ZBTB21: variants seen among roughly 807,000 people sequenced by gnomAD.
ZBTB21 encodes the protein zinc finger and BTB domain-containing protein 21.
In ZBTB21, 10 loss-of-function variants were observed where a neutral mutation model predicts 39.8. The ratio of observed to expected loss-of-function variants is 0.25; its 90% CI spans 0.16 to 0.43. The LOEUF (loss-of-function observed/expected upper bound fraction) is 0.43, where lower values mean the gene tolerates loss of function less well. Among genes scored for constraint, ZBTB21 ranks in the 20% least tolerant of loss-of-function variants. The probability of loss-of-function intolerance (pLI) is 1.00; values close to 1 mark genes in which losing one functional copy is unlikely to be tolerated. For synonymous variants in ZBTB21, 551 were observed against 498.8 expected, an observed-to-expected ratio of 1.10 and a Z score of -1.40; for missense variants, 1,221 against 1,296.3, an observed-to-expected ratio of 0.94 and a Z score of 0.89.
chr21:42,008,823 C>G lies in ZBTB21; in HGVS notation c.-79+1429G>C, dbSNP rs141638360. On this transcript the variant is annotated intron_variant, in intron 1 of 2. Coordinates refer to ENST00000310826, the MANE Select transcript of ZBTB21 (RefSeq NM_001098402.2). ...AAAGTTACTTTTAAGTAAACCAGCA[C>G]TTCAAATTTTGACTTTCTTTTTAAC... 2.5e-3 allele frequency among the ~76,000 whole-genome samples: 382 copies of G among 152,308 alleles called. 4 individuals carry two copies. Among genetic ancestry groups the G allele is most frequent in the African/African-American group, 8.8e-3 (366 of 41,572 alleles).
At chr21:42,009,420 G>C (rs1050599715) in intron 1 of ZBTB21, 2 of 152,318 alleles carry the variant, frequency 1.3e-5, no homozygotes, top group African/African-American at 4.8e-5. Flanking sequence ...GCGTCTCTAA[G>C]GCCGGCACGG....
chr21:42,009,824 G>GCCCCCAA (rs1377579853), intron 1 of ZBTB21, among the ~76,000 whole-genome samples: 1 of 152,092 alleles, frequency 6.6e-6, no homozygotes, highest in Non-Finnish European at 1.5e-5. Flanking sequence ...CGGGCCGCCG[G>GCCCCCAA]CCCCCAACCC....
chr21:41,991,683 G>A lies in ZBTB21; in HGVS notation c.2413C>T (p.Pro805Ser), dbSNP rs756639382. 4 of 1,614,046 alleles carry A rather than the reference G, an allele frequency of 2.5e-6. No individual in the cohort carries two copies. The Admixed American group carries it at 5.0e-5, about 20-fold the overall frequency. ...VEVHNQNNMA[P>S]TENFSLPVLD... ...ACGGGCAAAGAAAAGTTTTCGGTGG[G>A]TGCCATGTTGTTCTGATTATGGACT... The change falls in exon 3 of 3, where the codon CCC becomes TCC. Residue 805 changes from proline to serine, a missense_variant. Physicochemically the swap from Pro to Ser is moderately conservative, Grantham distance 74. Coordinates refer to ENST00000310826, the MANE Select transcript of ZBTB21 (RefSeq NM_001098402.2). This position sits in a 1 kb window ranked among gnomAD's most constrained non-coding sequence, Gnocchi z 4.9.
chr21:42,000,251 TCCTACACGTGAGCAGCAA>T (rs2065801799), intron 2 of ZBTB21, among the ~76,000 whole-genome samples: 1 of 152,160 alleles, frequency 6.6e-6, no homozygotes, highest in South Asian at 2.1e-4. Context: ...AGTTTTGATA[TCCTACACGTGAGCAGCAA>T]CCTGTTCATC....
At chr21:41,998,405 G>A (rs1480699106) in intron 2 of ZBTB21, among the ~76,000 whole-genome samples, 1 of 151,982 alleles carries the variant, frequency 6.6e-6, no homozygotes, top group Non-Finnish European at 1.5e-5. Context: ...TAGCCAGACT[G>A]GTCCCGAACT....
At position 41,993,526 on chromosome 21, in the gene ZBTB21, A is replaced by C; in HGVS notation, c.570T>G (p.His190Gln). Residue 190 changes from histidine to glutamine, a missense_variant, in exon 3 of 3, where the codon CAT becomes CAG. His to Gln is a conservative substitution (Grantham distance 24). Transcript: ENST00000310826. ...IAVKANTNKP[H>Q]VPKPIEPLHN... The stretch of plus-strand genomic sequence containing the variant: ...GAAGTGGTTCTATTGGTTTTGGGAC[A>C]TGTGGCTTATTGGTATTGGCCTTGA... 6.2e-7 allele frequency: 1 copy of C among 1,614,232 alleles called. No individual in the cohort carries two copies. The highest frequency in any genetic ancestry group is 1.3e-5 in the African/African-American group (1 of 75,062).
intron 2 of ZBTB21, chr21:42,002,262 C>A (rs1208435362): frequency 6.6e-6 from 1 of 151,942 alleles, no homozygotes; most frequent in Non-Finnish European, 1.5e-5. Flanking sequence ...AACAATGTAC[C>A]CTTTCCTAGT....
At chr21:42,008,763 C>T (rs1211377361) in intron 1 of ZBTB21, among the ~76,000 whole-genome samples, 1 of 152,032 alleles carries the variant, frequency 6.6e-6, no homozygotes, top group Non-Finnish European at 1.5e-5. Flanking sequence ...GCACATTATA[C>T]TTTCAATAAA....
intron 1 of ZBTB21, among the ~76,000 whole-genome samples, chr21:42,006,909 G>A (rs918357769): frequency 6.6e-6 from 1 of 152,218 alleles, no homozygotes; most frequent in South Asian, 2.1e-4. Context: ...CCAAAGAGAA[G>A]CCTCAGAAGA....
Position 41,989,241 on chromosome 21 carries a change from G to A in ZBTB21, c.*1654C>T, listed in dbSNP as rs1242134844. The A allele has an allele frequency of 6.6e-6, 1 of 151,842 alleles. No individual in the cohort carries two copies. The highest frequency in any genetic ancestry group is 1.5e-5 in the Non-Finnish European group (1 of 67,942). 9.4% of individuals were successfully genotyped at this position (151,842 alleles called of 1,614,324 possible). A position where few individuals can be genotyped will look rare whatever the true frequency, so the allele number is the denominator to read the frequency against. On this transcript the variant is annotated 3_prime_UTR_variant, in exon 3 of 3. Coordinates refer to ENST00000310826, the MANE Select transcript of ZBTB21 (RefSeq NM_001098402.2). ...AAATTTCATATATAATATCCATAAT[G>A]TACAAAGTCAATCAGTATTTTATAA...
chr21:41,992,312 T>C lies in ZBTB21; in HGVS notation c.1784A>G (p.Gln595Arg), dbSNP rs1456224652. ...HTNFKVWTHC[Q>R]TQHGIVKNPS... ...GTTCTTCACTATGCCGTGTTGGGTC[T>C]GACAGTGTGTCCACACTTTGAAGTT... The change falls in exon 3 of 3, where the codon CAG (glutamine) becomes CGG (arginine). Residue 595 changes from glutamine (Q) to arginine (R), a missense_variant. Gln to Arg is a conservative substitution (Grantham distance 43). This residue lies in a region of ZBTB21 where 90 missense variants were observed against 133.1 expected (regional missense o/e 0.68). Coordinates refer to ENST00000310826, the MANE Select transcript of ZBTB21 (RefSeq NM_001098402.2). This position sits in a 1 kb window ranked among gnomAD's most constrained non-coding sequence, Gnocchi z 4.1. 5.0e-6 allele frequency: 8 copies of C among 1,614,256 alleles called. No individual in the cohort carries two copies. The highest frequency in any genetic ancestry group is 6.8e-6 in the Non-Finnish European group (8 of 1,180,050).
chr21:42,007,952 G>A (rs2065900461), intron 1 of ZBTB21: 1 of 152,082 alleles, frequency 6.6e-6, no homozygotes, highest in African/African-American at 2.4e-5. Flanking sequence ...GACTCTTGAG[G>A]CTCCAGCCTC....
rs768706405 is a variant in ZBTB21, at chr21:41,994,100, T to G, written c.-5A>C. ...GTAATGCAGTAATCCCTCCATGGCT[T>G]GAGTTTATCTAAAAGACAAAATGTA... On this transcript the variant is annotated 5_prime_UTR_variant, in exon 3 of 3. Coordinates refer to ENST00000310826, the MANE Select transcript of ZBTB21 (RefSeq NM_001098402.2). The G allele has an allele frequency of 6.4e-7, 1 of 1,557,866 alleles. No individual in the cohort carries two copies. The highest frequency in any genetic ancestry group is 8.7e-7 in the Non-Finnish European group (1 of 1,154,726).
At chr21:41,994,965 T>C (rs938009669) in intron 2 of ZBTB21, among the ~76,000 whole-genome samples, 2 of 152,182 alleles carry the variant, frequency 1.3e-5, no homozygotes, top group African/African-American at 2.4e-5. Context: ...CCTGCTGCCA[T>C]GTGAGATGTG....
Position 41,992,053 on chromosome 21 carries a change from A to G in ZBTB21, c.2043T>C (p.Phe681=). 1 of 1,614,212 alleles carries G rather than the reference A, an allele frequency of 6.2e-7. No individual in the cohort carries two copies. The highest frequency in any genetic ancestry group is 8.5e-7 in the Non-Finnish European group (1 of 1,180,042). ...TTATATGCTGCTTAAATTGAGAGAG[A>G]AAGCGGTACGCTTTTCCGCAGTAAG... is the stretch of plus-strand genomic sequence containing the variant. The part of the protein sequence containing the change: ...ICTYCGKAYR[F]LSQFKQHIKM... Residue 681 remains phenylalanine, a synonymous_variant, in exon 3 of 3, where the codon TTT becomes TTC. Coordinates refer to ENST00000310826, the MANE Select transcript of ZBTB21 (RefSeq NM_001098402.2). The surrounding 1 kb of genome is among the most constrained non-coding windows in gnomAD (Gnocchi z 4.1).
At position 41,993,416 on chromosome 21, in the gene ZBTB21, T is replaced by G. The variant is rs754174232; in HGVS notation, c.680A>C (p.Asp227Ala). The change falls in exon 3 of 3, where the codon GAT (aspartate) becomes GCT (alanine). Residue 227 changes from aspartate to alanine, a missense_variant. By Grantham distance (126) the Asp-to-Ala change is moderately radical (BLOSUM62 -2). Around this residue, in one of 4 missense-constraint regions of ZBTB21, gnomAD observed 500 missense variants for 465.6 expected, o/e 1.07. Transcript: ENST00000310826. ...CACCAAACTGATTCTATTAGGATCA[T>G]CCAAAGATCCAGAATGCTCAAGAGA... Reference protein sequence around the residue: ...AKSLEHSGSLDDPNRISLVKR... With the variant: ...AKSLEHSGSLADPNRISLVKR... 2.5e-5 allele frequency: 40 copies of G among 1,614,090 alleles called. No homozygotes were observed. Among genetic ancestry groups the G allele is most frequent in the Non-Finnish European group, 3.1e-5 (37 of 1,180,046 alleles).
chr21:42,009,771 G>T (rs901220523), intron 1 of ZBTB21, among the ~76,000 whole-genome samples: 1 of 151,994 alleles, frequency 6.6e-6, no homozygotes, highest in Non-Finnish European at 1.5e-5. Context: ...CAGGTGCGGG[G>T]TCCCCAAGGC....
At chr21:42,010,081 G>C (rs932847915) in intron 1 of ZBTB21, among the ~76,000 whole-genome samples, 171 bp downstream of exon 1, 1 of 152,234 alleles carries the variant, frequency 6.6e-6, no homozygotes, top group Non-Finnish European at 1.5e-5. Flanking sequence ...TGAGCGCCCA[G>C]GTCCCGCGCA....
At chr21:41,994,540 ATATACT>A (rs1016794120) in intron 2 of ZBTB21, among the ~76,000 whole-genome samples, 15 of 152,248 alleles carry the variant, frequency 9.9e-5, no homozygotes, top group Non-Finnish European at 1.9e-4. Context: ...TTATTACTAC[ATATACT>A]TAAACATAAT....
Sources: allele counts gnomAD v4.1 joint callset (sites outside exome capture counted in the v4.1 genomes callset), GRCh38; gene constraint gnomAD v4.1.1; regional missense constraint gnomAD v4.1.1; non-coding constraint Gnocchi (gnomAD v3.1); transcripts MANE v1.5; gene names NCBI Gene and HGNC (gene_info 2026-07-23, HGNC 2026-07-21).